The following VPS13C variants were observed in gnomAD, a reference collection of about 807,000 sequenced individuals.
The protein encoded by VPS13C is vacuolar protein sorting 13 homolog C, also known as intermembrane lipid transfer protein VPS13C.
Under a neutral mutation model 456.8 loss-of-function variants are expected in VPS13C, and 358 were observed. The ratio of observed to expected loss-of-function variants is 0.78; its 90% CI spans 0.72 to 0.86. The LOEUF is 0.86. VPS13C is among the 40% of genes least tolerant of loss of function. The pLI, the probability that VPS13C is intolerant of heterozygous loss-of-function variation, is 0.00. For missense variants in VPS13C, 4,818 were observed against 4,385.4 expected, an observed-to-expected ratio of 1.10 and a Z score of -2.79; for synonymous variants, 1,578 against 1,486.7, an observed-to-expected ratio of 1.06 and a Z score of -1.41.
chr15:62,038,878 T>C (rs2048150757), intron 3 of VPS13C, among the ~76,000 whole-genome samples: 1 of 151,958 alleles, frequency 6.6e-6, no homozygotes, highest in Non-Finnish European at 1.5e-5. Context: ...ATCAGAGAAA[T>C]ACAAATTTAA....
At position 62,013,941 on chromosome 15, in the gene VPS13C, T is replaced by A. The variant is rs779403442; in HGVS notation, c.736A>T (p.Ile246Leu). ...TTATTCCAACATAATACCTTGTATA[T>A]AATTTTGTCTGCTTCATTTAATATG... The part of the protein sequence containing the change: ...PCILNEADKI[I>L]YKLIRLDSLS... Residue 246 changes from isoleucine (I) to leucine (L), a missense_variant, in exon 10 of 85, where the codon ATA (isoleucine) becomes TTA (leucine). Coordinates refer to ENST00000644861, the MANE Select transcript of VPS13C (RefSeq NM_020821.3). 6.2e-7 allele frequency: 1 copy of A among 1,607,858 alleles called. No individual in the cohort carries two copies.
At chr15:61,973,885 T>G (rs2045627715) in intron 25 of VPS13C, among the ~76,000 whole-genome samples, 1 of 152,124 alleles carries the variant, frequency 6.6e-6, no homozygotes, top group Non-Finnish European at 1.5e-5. Flanking sequence ...TGAGCTGGCT[T>G]TATCAAATTT....
At chr15:61,920,402 T>C in intron 56 of VPS13C, 71 bp from the exon 57 acceptor site, 15 of 1,499,276 alleles carry the variant, frequency 1.0e-5, no homozygotes, top group Non-Finnish European at 1.3e-5. Context: ...TATACCATAA[T>C]TACACATTTT....
At chr15:62,011,901 C>T (rs1415843158) in intron 12 of VPS13C, among the ~76,000 whole-genome samples, 1 of 151,794 alleles carries the variant, frequency 6.6e-6, no homozygotes, top group East Asian at 1.9e-4. Context: ...GCTATACTGC[C>T]CTTCTCTCTC....
chr15:61,986,965 C>A (rs1406104097), intron 18 of VPS13C, among the ~76,000 whole-genome samples: 4 of 152,078 alleles, frequency 2.6e-5, no homozygotes, highest in Non-Finnish European at 5.9e-5. Context: ...AGCAGAACTG[C>A]ATTCAACAAA....
intron 29 of VPS13C, 141 bp downstream of exon 29, chr15:61,967,227 A>C (rs765757474): frequency 3.0e-5 from 21 of 694,744 alleles, no homozygotes; most frequent in Non-Finnish European, 2.6e-5. Context: ...AAGGTGTACA[A>C]ATGAAAAAAG....
At chr15:61,886,618 A>G (rs1400349153) in intron 67 of VPS13C, among the ~76,000 whole-genome samples, 2 of 152,174 alleles carry the variant, frequency 1.3e-5, no homozygotes, top group African/African-American at 4.8e-5. Context: ...ACAAAACATT[A>G]TTTATGGGAA....
intron 9 of VPS13C, among the ~76,000 whole-genome samples, chr15:62,017,382 T>A (rs947691706): frequency 2.0e-5 from 3 of 152,210 alleles, no homozygotes; most frequent in African/African-American, 4.8e-5. Context: ...CTGAATGGTA[T>A]TGCCTAGGTT....
At chr15:61,901,393 T>C (rs867448609) in intron 66 of VPS13C, among the ~76,000 whole-genome samples, 4 of 151,574 alleles carry the variant, frequency 2.6e-5, no homozygotes, top group Non-Finnish European at 5.9e-5. Flanking sequence ...GAATCTACAA[T>C]GAACTCAAAC....
chr15:61,962,313 T>C, intron 34 of VPS13C, 58 bp downstream of exon 34: 4 of 1,454,074 alleles, frequency 2.8e-6, no homozygotes, highest in Non-Finnish European at 3.7e-6. Context: ...CCATCATAAT[T>C]ATCACACTTT....
At chr15:61,929,850 T>G in intron 50 of VPS13C, 102 bp from the exon 51 acceptor site, 1 of 1,190,736 alleles carries the variant, frequency 8.4e-7, no homozygotes, top group South Asian at 1.6e-5. Flanking sequence ...ACCTTTCAGT[T>G]TCTAATCTGT....
intron 1 of VPS13C, among the ~76,000 whole-genome samples, chr15:62,051,345 G>A (rs7161883): frequency 0.54 from 82,631 of 152,004 alleles, 22,785 homozygotes; most frequent in Admixed American, 0.62. Flanking sequence ...ACTTTCAGAT[G>A]TATAACATTA....
Position 61,922,519 on chromosome 15 carries a change from C to T in VPS13C, c.6853G>A (p.Val2285Ile). 6.2e-7 allele frequency: 1 copy of T among 1,614,062 alleles called. No homozygotes were observed. The highest frequency in any genetic ancestry group is 8.5e-7 in the Non-Finnish European group (1 of 1,179,966). ...TGTCCAAGGCCACATTCTAAGGTAACTTGAATGGATTCTACAACAACACCA... is the reference window on the plus strand; with the variant it reads ...TGTCCAAGGCCACATTCTAAGGTAATTTGAATGGATTCTACAACAACACCA... ...NCGVVVESIQ[V>I]TLECGLGHRT... The change falls in exon 54 of 85, where the codon GTT becomes ATT. Residue 2285 changes from valine (V) to isoleucine (I), a missense_variant. By Grantham distance (29) the Val-to-Ile change is conservative (BLOSUM62 3). This residue lies in a region of VPS13C where 4,552 missense variants were observed against 4,130.6 expected (regional missense o/e 1.10). Transcript: ENST00000644861.
chr15:61,892,155 C>A (rs2042671560), intron 66 of VPS13C, among the ~76,000 whole-genome samples: 1 of 152,306 alleles, frequency 6.6e-6, no homozygotes, highest in East Asian at 1.9e-4. Flanking sequence ...GAAGAGAAAA[C>A]CCCCAAGGGA....
chr15:61,912,680 T>C (rs911969279), intron 62 of VPS13C, among the ~76,000 whole-genome samples: 1 of 151,792 alleles, frequency 6.6e-6, no homozygotes, highest in African/African-American at 2.4e-5. Flanking sequence ...TTAGGGTACA[T>C]GTGCACAATG....
chr15:62,009,928 C>T (rs1484943276), intron 13 of VPS13C, among the ~76,000 whole-genome samples: 1 of 152,136 alleles, frequency 6.6e-6, no homozygotes, highest in Non-Finnish European at 1.5e-5. Context: ...TAGCTCACGC[C>T]TGTAATCCCA....
At chr15:62,019,102 T>C (rs1233258891) in intron 9 of VPS13C, among the ~76,000 whole-genome samples, 1 of 152,182 alleles carries the variant, frequency 6.6e-6, no homozygotes, top group East Asian at 1.9e-4. Flanking sequence ...TCTCTGATGG[T>C]AGTTTTGTAT....
intron 34 of VPS13C, 102 bp downstream of exon 34, chr15:61,962,269 T>C: frequency 9.6e-7 from 1 of 1,040,836 alleles, no homozygotes; most frequent in Non-Finnish European, 1.4e-6. Flanking sequence ...ATTAAAATAA[T>C]GCCCACTCTA....
At chr15:61,889,807 T>C (rs1032235647) in intron 67 of VPS13C, among the ~76,000 whole-genome samples, 2 of 152,300 alleles carry the variant, frequency 1.3e-5, no homozygotes, top group African/African-American at 4.8e-5. Flanking sequence ...ACCTCTGTAC[T>C]TCCACTGTGC....
Sources: gnomAD v4.1 joint callset for allele counts (sites outside exome capture counted in the v4.1 genomes callset) on GRCh38, gnomAD v4.1.1 for gene constraint, gnomAD v4.1.1 regional missense constraint, MANE v1.5 for transcripts, NCBI Gene and HGNC (gene_info 2026-07-23, HGNC 2026-07-21) for gene names.